KLRG1: variants seen among roughly 807,000 people sequenced by gnomAD.
KLRG1 encodes killer cell lectin like receptor G1, also known as killer cell lectin-like receptor subfamily G member 1.
KLRG1 carries 16 observed loss-of-function variants against 21.8 expected under a neutral mutation model. The observed-to-expected ratio is 0.73, with a 90% CI of 0.50 to 1.11. The LOEUF is 1.11. Among genes scored for constraint, KLRG1 ranks in the 50% most tolerant of loss-of-function variants. KLRG1 has a pLI of 0.00. For synonymous variants in KLRG1, 69 were observed against 75.9 expected (o/e 0.91, Z 0.47); for missense variants, 173 against 218.3 (o/e 0.79, Z 1.31).
chr12:8,991,487 T>C (rs1946966233), intron 1 of KLRG1, among the ~76,000 whole-genome samples: 2 of 152,150 alleles, frequency 1.3e-5, no homozygotes, highest in African/African-American at 4.8e-5. Flanking sequence ...CAAAAGAAAA[T>C]AGGGTAAAAA....
chr12:9,196,451 A>G, the KLRG1 span: 1 of 1,595,352 alleles, frequency 6.3e-7, no homozygotes, highest in Non-Finnish European at 8.6e-7. Context: ...TGAAAAATAT[A>G]AAGAGTCAGT....
the KLRG1 span, among the ~76,000 whole-genome samples, chr12:9,087,299 G>C: frequency 6.6e-6 from 1 of 152,100 alleles, no homozygotes; most frequent in African/African-American, 2.4e-5. Context: ...AGAAAATTTG[G>C]TATATACACA....
chr12:9,122,019 A>G, the KLRG1 span, among the ~76,000 whole-genome samples: 1 of 152,072 alleles, frequency 6.6e-6, no homozygotes, highest in East Asian at 1.9e-4. Flanking sequence ...CATCATTGTC[A>G]CTTGTAGGAA....
the KLRG1 span, chr12:9,113,649 G>T: frequency 8.8e-7 from 1 of 1,138,978 alleles, no homozygotes; most frequent in Non-Finnish European, 1.3e-6. Context: ...TCTACACCAA[G>T]AGAAGATGTA....
the KLRG1 span, among the ~76,000 whole-genome samples, chr12:9,142,223 C>A: frequency 2.0e-5 from 3 of 152,060 alleles, no homozygotes; most frequent in African/African-American, 7.2e-5. Context: ...ACTAGACTGC[C>A]TAAGGCCACA....
At chr12:9,139,278 G>T in the KLRG1 span, among the ~76,000 whole-genome samples, 14 of 151,716 alleles carry the variant, frequency 9.2e-5, no homozygotes, top group Non-Finnish European at 2.1e-4. Flanking sequence ...TTTTGTTGTG[G>T]CCAGAAAGAC....
At chr12:9,006,974 A>G (rs1294922403) in intron 3 of KLRG1, among the ~76,000 whole-genome samples, 1 of 152,226 alleles carries the variant, frequency 6.6e-6, no homozygotes, top group African/African-American at 2.4e-5. Flanking sequence ...CTTAGAGTAC[A>G]ATACAAATGT....
the KLRG1 span, among the ~76,000 whole-genome samples, chr12:9,118,989 G>A: frequency 6.6e-6 from 1 of 152,220 alleles, no homozygotes; most frequent in African/African-American, 2.4e-5. Context: ...CACCCAAGTG[G>A]AGCAAGAAGG....
the KLRG1 span, among the ~76,000 whole-genome samples, chr12:9,078,121 G>A: frequency 6.6e-6 from 1 of 152,106 alleles, no homozygotes; most frequent in Non-Finnish European, 1.5e-5. Flanking sequence ...GTGCAGGTTT[G>A]TTACATAAGT....
the KLRG1 span, among the ~76,000 whole-genome samples, chr12:9,209,837 AAT>A: frequency 6.6e-6 from 1 of 152,078 alleles, no homozygotes; most frequent in East Asian, 1.9e-4. Flanking sequence ...CATATTGTAA[AAT>A]ATGTCATCAC....
At chr12:9,070,382 T>C in the KLRG1 span, 1 of 775,732 alleles carries the variant, frequency 1.3e-6, no homozygotes, top group East Asian at 2.7e-5. Context: ...GATAAGGCTT[T>C]GATAGAGATT....
chr12:9,157,855 A>G, the KLRG1 span: 1 of 1,601,914 alleles, frequency 6.2e-7, no homozygotes, highest in Non-Finnish European at 8.6e-7. Flanking sequence ...TGAATACAAC[A>G]TTGATTTGAT....
the KLRG1 span, chr12:9,052,850 A>G: frequency 2.2e-6 from 1 of 455,762 alleles, no homozygotes; most frequent in Non-Finnish European, 4.4e-6. Context: ...AATACCAGAA[A>G]AATGCTTAAA....
At chr12:9,030,673 T>G in the KLRG1 span, among the ~76,000 whole-genome samples, 1 of 152,200 alleles carries the variant, frequency 6.6e-6, no homozygotes, top group African/African-American at 2.4e-5. Flanking sequence ...CCCAAAGTGC[T>G]GGGATTACAG....
the KLRG1 span, chr12:9,091,095 T>C: frequency 1.5e-6 from 2 of 1,320,236 alleles, no homozygotes; most frequent in East Asian, 2.4e-5. Flanking sequence ...ATCATGAATA[T>C]CTAGTAAGCA....
chr12:9,012,876 T>G (rs1325329022), downstream of KLRG1, among the ~76,000 whole-genome samples: 4 of 152,082 alleles, frequency 2.6e-5, no homozygotes, highest in Non-Finnish European at 5.9e-5. Context: ...AGCCAGGTAG[T>G]GGTTACCACA....
At chr12:9,118,999 G>T in the KLRG1 span, among the ~76,000 whole-genome samples, 5 of 152,282 alleles carry the variant, frequency 3.3e-5, no homozygotes, top group South Asian at 6.2e-4. Flanking sequence ...GAGCAAGAAG[G>T]GCCAATTAGA....
the KLRG1 span, among the ~76,000 whole-genome samples, chr12:9,045,965 A>G: frequency 3.3e-5 from 5 of 152,222 alleles, no homozygotes; most frequent in African/African-American, 1.2e-4. Context: ...ATTCTCACTT[A>G]TAAGTGGGAG....
the KLRG1 span, chr12:9,181,129 C>T: frequency 6.2e-7 from 1 of 1,614,056 alleles, no homozygotes; most frequent in Non-Finnish European, 8.5e-7. Context: ...AAGCTCAAAT[C>T]CACCTGTGGG....
Sources: gnomAD v4.1 joint callset for allele counts (sites outside exome capture counted in the v4.1 genomes callset) on GRCh38, gnomAD v4.1.1 for gene constraint, MANE v1.5 for transcripts, NCBI Gene and HGNC (gene_info 2026-07-23, HGNC 2026-07-21) for gene names.